CNOT4: variants seen among roughly 807,000 people sequenced by gnomAD.
The protein encoded by CNOT4 is CCR4-associated factor 4.
A neutral mutation model predicts 73.8 loss-of-function variants in CNOT4; 8 were observed. The ratio of observed to expected loss-of-function variants is 0.11; its 90% CI spans 0.06 to 0.20. The LOEUF (loss-of-function observed/expected upper bound fraction) is 0.20, where lower values mean the gene tolerates loss of function less well. Ranked by LOEUF, CNOT4 falls within the 10% of genes least tolerant of loss-of-function variation. CNOT4 has a pLI of 1.00. For missense variants in CNOT4, 564 were observed against 883.4 expected, an observed-to-expected ratio of 0.64 and a Z score of 4.58; for synonymous variants, 293 against 321.1, an observed-to-expected ratio of 0.91 and a Z score of 0.94.
chr7:135,505,635 A>G (rs1373920540), intron 1 of CNOT4, among the ~76,000 whole-genome samples: 6 of 152,200 alleles, frequency 3.9e-5, no homozygotes, highest in African/African-American at 7.2e-5. Flanking sequence ...ACTGTGTTAT[A>G]CCATCCTTAA....
chr7:135,468,159 T>G (rs1167654685), intron 1 of CNOT4, among the ~76,000 whole-genome samples: 1 of 151,678 alleles, frequency 6.6e-6, no homozygotes, highest in East Asian at 1.9e-4. Flanking sequence ...GAGCTTGCAG[T>G]GAGCAAAGAT....
intron 1 of CNOT4, among the ~76,000 whole-genome samples, chr7:135,506,591 T>C (rs1406454376): frequency 6.6e-6 from 1 of 152,250 alleles, no homozygotes; most frequent in Non-Finnish European, 1.5e-5. Context: ...GGCTCACGTC[T>C]GTAATCCCAA....
intron 1 of CNOT4, among the ~76,000 whole-genome samples, chr7:135,439,839 A>G (rs1799368364): frequency 1.3e-5 from 2 of 152,216 alleles, no homozygotes; most frequent in South Asian, 2.1e-4. Context: ...GCTAAAATGT[A>G]TAACTAAAGA....
At chr7:135,413,754 G>C in intron 5 of CNOT4, 141 bp from the exon 6 acceptor site, 5 of 674,050 alleles carry the variant, frequency 7.4e-6, no homozygotes, top group South Asian at 4.2e-5. Flanking sequence ...GCAAATACTA[G>C]AGAACTAAAC....
At chr7:135,484,135 C>T (rs1802566589) in intron 1 of CNOT4, among the ~76,000 whole-genome samples, 1 of 152,162 alleles carries the variant, frequency 6.6e-6, no homozygotes, top group Non-Finnish European at 1.5e-5. Context: ...GCGAAGGTAG[C>T]AGTGGGCCGA....
At chr7:135,458,828 G>C (rs1435352536) in intron 1 of CNOT4, among the ~76,000 whole-genome samples, 1 of 151,858 alleles carries the variant, frequency 6.6e-6, no homozygotes, top group South Asian at 2.1e-4. Flanking sequence ...TACTTCCCAC[G>C]ATGAAGTCTT....
rs117375844 is a variant in CNOT4 at position 135,377,778 on chromosome 7, G to A, written c.1628-13712C>T. Among the ~76,000 whole-genome samples, 456 of 152,226 alleles carry A rather than the reference G, an allele frequency of 3.0e-3. 2 individuals are homozygous for A. Among genetic ancestry groups the A allele is most frequent in the Non-Finnish European group, 5.4e-3 (364 of 68,006 alleles). On this transcript the variant is annotated intron_variant, in intron 10 of 11. Transcript: ENST00000541284. ...TGTTCATCCTTAGCAATAATTTATAGTTGAATTAGGGACAGATTGCCAGAG... is the reference window on the plus strand; with the variant it reads ...TGTTCATCCTTAGCAATAATTTATAATTGAATTAGGGACAGATTGCCAGAG...
Position 135,364,618 on chromosome 7 carries a change from T to C in CNOT4, c.1628-552A>G, listed in dbSNP as rs991338421. ...GAGAAAAGCAGTAATGAACAGGCTT[T>C]TGAATTTGAAAAGAATGTATTTCCA... On this transcript the variant is annotated intron_variant, in intron 10 of 11. Coordinates refer to ENST00000541284, the MANE Select transcript of CNOT4 (RefSeq NM_001190850.2). This position sits in a 1 kb window ranked among gnomAD's most constrained non-coding sequence, Gnocchi z 4.3. 6.6e-6 allele frequency among the ~76,000 whole-genome samples: 1 copy of C among 152,246 alleles called. No individual in the cohort carries two copies. Among genetic ancestry groups the C allele is most frequent in the African/African-American group, 2.4e-5 (1 of 41,466 alleles).
chr7:135,452,610 T>C (rs1226254141), intron 1 of CNOT4, among the ~76,000 whole-genome samples: 2 of 152,144 alleles, frequency 1.3e-5, no homozygotes, highest in Admixed American at 1.3e-4. Context: ...TGTCTGTCAC[T>C]GAGTAGAGGG....
rs560739442 is a variant in CNOT4 at position 135,384,068 on chromosome 7, T to C, written c.1627+9850A>G. Among the ~76,000 whole-genome samples, 5 of 152,324 alleles carry C rather than the reference T, an allele frequency of 3.3e-5. No homozygotes were observed. The South Asian group carries it at 1.0e-3, about 32-fold the overall frequency. ...TATCTTTACACAGCAACTAAGCAAC[T>C]ATTTACAATGCATTTCTGGGCTTAT... On this transcript the variant is annotated intron_variant, in intron 10 of 11. Transcript: ENST00000541284.
At chr7:135,500,651 AC>A (rs1803898512) in intron 1 of CNOT4, among the ~76,000 whole-genome samples, 1 of 152,190 alleles carries the variant, frequency 6.6e-6, no homozygotes, top group Non-Finnish European at 1.5e-5. Flanking sequence ...CTGCGGACCT[AC>A]CTTTATTCAT....
At chr7:135,398,357 T>A in intron 7 of CNOT4, 131 bp from the exon 8 acceptor site, 1 of 608,096 alleles carries the variant, frequency 1.6e-6, no homozygotes, top group African/African-American at 1.9e-5. Context: ...TACTGGGAAG[T>A]AAAACATTGA....
Position 135,483,941 on chromosome 7 carries a change from A to G in CNOT4, c.-93+25948T>C, listed in dbSNP as rs114429846. On this transcript the variant is annotated intron_variant, in intron 1 of 11. Coordinates refer to ENST00000541284, the MANE Select transcript of CNOT4 (RefSeq NM_001190850.2). Reference sequence around the variant, plus strand: ...CGTGGTGGCCCACGCCTGTAAGCCTAGCACCAATTTGGGAGGCCAAGGTAG... The same window carrying G: ...CGTGGTGGCCCACGCCTGTAAGCCTGGCACCAATTTGGGAGGCCAAGGTAG... 3.6e-3 allele frequency among the ~76,000 whole-genome samples: 547 copies of G among 152,280 alleles called. 4 individuals carry two copies. Among genetic ancestry groups the G allele is most frequent in the African/African-American group, 0.013 (526 of 41,560 alleles).
At chr7:135,492,624 T>C (rs1371255755) in intron 1 of CNOT4, among the ~76,000 whole-genome samples, 1 of 152,094 alleles carries the variant, frequency 6.6e-6, no homozygotes, top group Non-Finnish European at 1.5e-5. Flanking sequence ...TTATTGGTAA[T>C]AACAAGGTAT....
chr7:135,453,713 T>C (rs141764308), intron 1 of CNOT4, among the ~76,000 whole-genome samples: 16 of 147,310 alleles, frequency 1.1e-4, no homozygotes, highest in African/African-American at 4.0e-4. Flanking sequence ...GTATGAGTAT[T>C]TTCCTGGAAT....
intron 10 of CNOT4, among the ~76,000 whole-genome samples, chr7:135,369,738 C>G (rs1202259692): frequency 6.6e-6 from 1 of 152,164 alleles, no homozygotes; most frequent in Admixed American, 6.5e-5. Flanking sequence ...AGCTCCTGCC[C>G]CCACACCCCT....
intron 7 of CNOT4, among the ~76,000 whole-genome samples, chr7:135,403,502 C>A (rs1269031024): frequency 6.6e-6 from 1 of 152,080 alleles, no homozygotes; most frequent in African/African-American, 2.4e-5. Context: ...GCCTATAGTC[C>A]TAGTTGCTCA....
intron 4 of CNOT4, among the ~76,000 whole-genome samples, chr7:135,414,778 A>G (rs1797763465): frequency 6.6e-6 from 1 of 152,124 alleles, no homozygotes. Flanking sequence ...ATGTCAAATT[A>G]CATTCTCAAA....
intron 10 of CNOT4, chr7:135,384,486 C>T (rs1263144200): frequency 1.1e-5 from 6 of 528,534 alleles, no homozygotes; most frequent in South Asian, 4.5e-5. Context: ...GGGGTTTCAC[C>T]GTGTTAGCCA....
Sources: allele counts gnomAD v4.1 joint callset (sites outside exome capture counted in the v4.1 genomes callset), GRCh38; gene constraint gnomAD v4.1.1; non-coding constraint Gnocchi (gnomAD v3.1); transcripts MANE v1.5; gene names NCBI Gene and HGNC (gene_info 2026-07-23, HGNC 2026-07-21).